The following BID variants were observed in gnomAD, a reference collection of about 807,000 sequenced individuals.
The protein encoded by BID is BH3 interacting domain death agonist, also known as BH3-interacting domain death agonist.
BID carries 19 observed loss-of-function variants against 17.4 expected under a neutral mutation model. That is an observed-to-expected ratio of 1.09 (90% CI 0.76 to 1.60). The LOEUF is 1.60. BID is among the 40% of genes most tolerant of loss of function. The pLI is 0.00. For synonymous variants in BID, 108 were observed against 102.8 expected (o/e 1.05, Z -0.31); for missense variants, 226 against 256.0 (o/e 0.88, Z 0.80).
At chr22:17,772,498 G>A (rs530308310) in intron 1 of BID, among the ~76,000 whole-genome samples, 7 of 152,340 alleles carry the variant, frequency 4.6e-5, no homozygotes, top group South Asian at 4.1e-4. Flanking sequence ...CAGAGCCAGC[G>A]CTCCGGGTCC....
At chr22:17,756,766 G>A (rs2061594178) in intron 1 of BID, among the ~76,000 whole-genome samples, 1 of 151,806 alleles carries the variant, frequency 6.6e-6, no homozygotes, top group Non-Finnish European at 1.5e-5. Flanking sequence ...AGCAGAGATG[G>A]GGTTTCACTA....
At chr22:17,760,618 G>A (rs1230110794) in intron 1 of BID, among the ~76,000 whole-genome samples, 2 of 152,050 alleles carry the variant, frequency 1.3e-5, no homozygotes, top group Non-Finnish European at 2.9e-5. Context: ...CCACAATTCA[G>A]TTCCCTCAGC....
At chr22:17,768,590 G>C (rs796625104) in intron 1 of BID, among the ~76,000 whole-genome samples, 56 of 152,316 alleles carry the variant, frequency 3.7e-4, no homozygotes, top group African/African-American at 1.3e-3. Flanking sequence ...AAAGAACAAG[G>C]CTGGGCCGCA....
At chr22:17,754,207 CCA>C (rs899123114) in intron 1 of BID, among the ~76,000 whole-genome samples, 5 of 152,000 alleles carry the variant, frequency 3.3e-5, no homozygotes, top group African/African-American at 1.2e-4. Context: ...TGACATTCCC[CCA>C]GTCTCCAGGA....
At position 17,737,326 on chromosome 22, in the gene BID, T is replaced by G. The variant is rs8190343; in HGVS notation, c.576+691A>C. Among the ~76,000 whole-genome samples the G allele has an allele frequency of 2.0e-3, 298 of 152,188 alleles. 1 individual carries two copies. Among genetic ancestry groups the G allele is most frequent in the African/African-American group, 6.8e-3 (281 of 41,526 alleles). ...AGATTTCAGACAGTTCCCCCCCTTTTTTGACTACTCGTTTTGGTTCACATT... is the reference window on the plus strand; with the variant it reads ...AGATTTCAGACAGTTCCCCCCCTTTGTTGACTACTCGTTTTGGTTCACATT... On this transcript the variant is annotated intron_variant, in intron 5 of 5. Transcript: ENST00000622694.
chr22:17,743,717 G>T, intron 3 of BID, 86 bp downstream of exon 3: 1 of 1,380,030 alleles, frequency 7.2e-7, no homozygotes, highest in Non-Finnish European at 9.8e-7. Context: ...TGATCCCGGG[G>T]GTCCCTTCCA....
At chr22:17,758,141 T>C (rs78941362) in intron 1 of BID, among the ~76,000 whole-genome samples, 14,570 of 152,216 alleles carry the variant, frequency 0.096, 870 homozygotes, top group South Asian at 0.14. Flanking sequence ...CAGTCTCATA[T>C]CTCTTTTATT....
intron 1 of BID, among the ~76,000 whole-genome samples, chr22:17,767,021 C>T (rs2061683972): frequency 6.6e-6 from 1 of 151,736 alleles, no homozygotes; most frequent in Admixed American, 6.6e-5. Flanking sequence ...ATCAGGAGTT[C>T]GAGACCAGCC....
At position 17,773,164 on chromosome 22, in the gene BID, G is replaced by A. The variant is rs2061733177; in HGVS notation, c.-59+1217C>T. 1.3e-5 allele frequency among the ~76,000 whole-genome samples: 2 copies of A among 152,094 alleles called. No individual in the cohort carries two copies. Among genetic ancestry groups the A allele is most frequent in the Middle Eastern group, 3.2e-3 (1 of 316 alleles). On this transcript the variant is annotated intron_variant, in intron 1 of 5. Transcript: ENST00000622694. The surrounding 1 kb of genome is among the most constrained non-coding windows in gnomAD (Gnocchi z 4.4). ...CAAGAGGGGCAGAAGGGGCAGGGACGCACACCCTGGGCCGCAGGCAGAGGC... is the reference window on the plus strand; with the variant it reads ...CAAGAGGGGCAGAAGGGGCAGGGACACACACCCTGGGCCGCAGGCAGAGGC...
At chr22:17,737,919 C>CT in intron 5 of BID, 98 bp downstream of exon 5, 1 of 1,260,364 alleles carries the variant, frequency 7.9e-7, no homozygotes. Flanking sequence ...AACCCTTGTG[C>CT]TGGCATCAGA....
At chr22:17,743,683 G>T in intron 3 of BID, 120 bp downstream of exon 3, 7 of 1,007,986 alleles carry the variant, frequency 6.9e-6, no homozygotes, top group Non-Finnish European at 8.6e-6. Context: ...AGCGTACGTG[G>T]CAGCTGAAAC....
rs571711433 is a variant in BID, at chr22:17,751,521, GCCATTTTGTAGGACAAAA to G, written c.-58-1365_-58-1348del. Among the ~76,000 whole-genome samples the G allele has an allele frequency of 3.8e-4, 58 of 152,320 alleles. No homozygotes were observed. The East Asian group carries it at 8.9e-3, about 23-fold the overall frequency. Reference sequence around the variant, plus strand: ...ATATCAGGTTGAACCAAATGAAATGGCCATTTTGTAGGACAAAACCAAGCATTGGCAATTTCACATGGT... The same window carrying G: ...ATATCAGGTTGAACCAAATGAAATGGCCAAGCATTGGCAATTTCACATGGT... On this transcript the variant is annotated intron_variant, in intron 1 of 5. Coordinates refer to ENST00000622694, the MANE Select transcript of BID (RefSeq NM_001196.4).
At chr22:17,748,987 C>A (rs1004847064) in intron 2 of BID, among the ~76,000 whole-genome samples, 7 of 152,202 alleles carry the variant, frequency 4.6e-5, no homozygotes, top group African/African-American at 1.4e-4. Flanking sequence ...CCAGCCACCA[C>A]GCTGAAATCC....
At chr22:17,743,688 T>A in intron 3 of BID, 115 bp downstream of exon 3, 1 of 1,112,628 alleles carries the variant, frequency 9.0e-7, no homozygotes, top group Non-Finnish European at 1.3e-6. Context: ...ACGTGGCAGC[T>A]GAAACTGCAG....
intron 1 of BID, among the ~76,000 whole-genome samples, chr22:17,770,599 C>A (rs539522191): frequency 6.6e-6 from 1 of 152,246 alleles, no homozygotes. Flanking sequence ...TGCCCCATAA[C>A]AGAAATAGAG....
At position 17,773,889 on chromosome 22, in the gene BID, G is replaced by C. The variant is rs2061739714; in HGVS notation, c.-59+492C>G. ...TAAGCGGCCGCTCTGACCGCGCTTT[G>C]TCAGCCCTGAGCTCCGCTCGGGAGG... On this transcript the variant is annotated intron_variant, in intron 1 of 5. Transcript: ENST00000622694. This position sits in a 1 kb window ranked among gnomAD's most constrained non-coding sequence, Gnocchi z 4.4. The C allele has an allele frequency of 1.6e-6, 1 of 616,794 alleles. No homozygotes were observed. The highest frequency in any genetic ancestry group is 2.8e-4 in the Middle Eastern group (1 of 3,590). The allele number at this position is 616,794 out of a possible 1,614,324, so 38.2% of individuals were successfully genotyped here.
chr22:17,755,724 T>C (rs2061577339), intron 1 of BID, among the ~76,000 whole-genome samples: 1 of 147,660 alleles, frequency 6.8e-6, no homozygotes, highest in Non-Finnish European at 1.5e-5. Flanking sequence ...CACTTGAACC[T>C]GGGAGGCGGG....
chr22:17,740,896 TAAAA>T (rs939016137), intron 3 of BID: 2 of 152,216 alleles, frequency 1.3e-5, no homozygotes, highest in Non-Finnish European at 2.9e-5. Flanking sequence ...CCCCGTTTCT[TAAAA>T]AAAGTTTTAA....
intron 1 of BID, among the ~76,000 whole-genome samples, chr22:17,754,658 G>A (rs1484843436): frequency 6.6e-6 from 1 of 152,254 alleles, no homozygotes. Context: ...CCAGATATCT[G>A]CAGGGCAGTC....
Sources: gnomAD v4.1 joint callset for allele counts (sites outside exome capture counted in the v4.1 genomes callset) on GRCh38, gnomAD v4.1.1 for gene constraint, Gnocchi (gnomAD v3.1) non-coding constraint, MANE v1.5 for transcripts, NCBI Gene and HGNC (gene_info 2026-07-23, HGNC 2026-07-21) for gene names.